The following DLC1 variants were observed in gnomAD, a reference collection of about 807,000 sequenced individuals.
DLC1 encodes DLC1 Rho GTPase activating protein.
DLC1 carries 54 observed loss-of-function variants against 140.3 expected under a neutral mutation model. That is an observed-to-expected ratio of 0.38 (90% CI 0.31 to 0.48). DLC1 has a LOEUF of 0.48. DLC1 is among the 20% of genes least tolerant of loss of function. The probability of loss-of-function intolerance (pLI) is 0.96; values close to 1 mark genes in which losing one functional copy is unlikely to be tolerated. For missense variants in DLC1, 2,536 were observed against 1,907.0 expected (o/e 1.33, Z -6.14); for synonymous variants, 986 against 728.1 (o/e 1.35, Z -5.70).
chr8:13,391,035 C>G (rs1043674885), intron 4 of DLC1, among the ~76,000 whole-genome samples: 1 of 151,226 alleles, frequency 6.6e-6, no homozygotes, highest in African/African-American at 2.4e-5. Context: ...TCAAGTTACT[C>G]TTATTATTGG....
intron 4 of DLC1, among the ~76,000 whole-genome samples, chr8:13,368,631 G>A (rs1270203962): frequency 6.6e-6 from 1 of 151,836 alleles, no homozygotes; most frequent in Non-Finnish European, 1.5e-5. Flanking sequence ...AAGTTGACAT[G>A]CATCATTCCT....
chr8:13,457,839 A>G (rs1371567121), intron 2 of DLC1, among the ~76,000 whole-genome samples: 2 of 152,076 alleles, frequency 1.3e-5, no homozygotes, highest in African/African-American at 2.4e-5. Context: ...GAAGGAAGAA[A>G]AACATGAATT....
At chr8:13,570,105 T>C (rs564347177) in intron 1 of DLC1, among the ~76,000 whole-genome samples, 1 of 152,340 alleles carries the variant, frequency 6.6e-6, no homozygotes, top group East Asian at 1.9e-4. Flanking sequence ...CTAAGTTGTT[T>C]ATCTCTGATA....
At chr8:13,202,472 G>A (rs372868731) in intron 5 of DLC1, among the ~76,000 whole-genome samples, 1 of 152,172 alleles carries the variant, frequency 6.6e-6, no homozygotes, top group East Asian at 1.9e-4. Flanking sequence ...AATGAACTGG[G>A]TCTTTATTCT....
intron 2 of DLC1, among the ~76,000 whole-genome samples, chr8:13,472,774 G>C (rs1393657938): frequency 6.6e-6 from 1 of 152,188 alleles, no homozygotes. Context: ...TAATTAAACT[G>C]TGTTATAACC....
chr8:13,298,623 G>A (rs535867348), intron 5 of DLC1, among the ~76,000 whole-genome samples: 3 of 152,276 alleles, frequency 2.0e-5, no homozygotes, highest in South Asian at 2.1e-4. Context: ...CAGAAAAGAC[G>A]TAGCTTTTTA....
chr8:13,381,060 C>A (rs556403656), intron 4 of DLC1, among the ~76,000 whole-genome samples: 5 of 152,122 alleles, frequency 3.3e-5, no homozygotes, highest in Non-Finnish European at 7.4e-5. Context: ...ACATGAGTCC[C>A]TGTAGTGTGG....
At position 13,092,719 on chromosome 8, in the gene DLC1, G is replaced by T; in HGVS notation, c.3633C>A (p.Val1211=). 6.2e-7 allele frequency: 1 copy of T among 1,614,152 alleles called. No individual in the cohort carries two copies. Among genetic ancestry groups the T allele is most frequent in the Non-Finnish European group, 8.5e-7 (1 of 1,180,018 alleles). ...LQTLLYFLSD[V]TAAVKENQMT... is the part of the protein sequence containing the mutation. Reference sequence around the variant, plus strand: ...TCTGGTTTTCTTTTACGGCTGCTGTGACATCGCTCAGGAAATAAAGCAGGG... The same window carrying T: ...TCTGGTTTTCTTTTACGGCTGCTGTTACATCGCTCAGGAAATAAAGCAGGG... The change falls in exon 13 of 18, where the codon GTC becomes GTA. Residue 1211 remains valine, a synonymous_variant. Coordinates refer to ENST00000276297, the MANE Select transcript of DLC1 (RefSeq NM_182643.3).
intron 5 of DLC1, among the ~76,000 whole-genome samples, chr8:13,166,522 G>A (rs963782049): frequency 6.6e-6 from 1 of 152,060 alleles, no homozygotes; most frequent in African/African-American, 2.4e-5. Flanking sequence ...TGCATTTTTA[G>A]TAGAGATGGG....
intron 5 of DLC1, among the ~76,000 whole-genome samples, chr8:13,186,128 G>C (rs951313873): frequency 6.6e-6 from 1 of 152,088 alleles, no homozygotes; most frequent in Non-Finnish European, 1.5e-5. Context: ...TATGTGTCTT[G>C]GGGTTGGTCT....
chr8:13,095,563 C>T (rs1818439892), intron 10 of DLC1: 1 of 278,292 alleles, frequency 3.6e-6, no homozygotes, highest in East Asian at 6.7e-5. Flanking sequence ...TCCGTTTCCT[C>T]AGTTAGGAGC....
chr8:13,173,368 CTTTTTTTTT>C (rs35778236), intron 5 of DLC1, among the ~76,000 whole-genome samples: 78 of 103,530 alleles, frequency 7.5e-4, no homozygotes, highest in African/African-American at 2.9e-3. Flanking sequence ...GTTCTGCCCT[CTTTTTTTTT>C]TTTTTTTTTT....
At chr8:13,433,694 T>C (rs947744611) in intron 2 of DLC1, among the ~76,000 whole-genome samples, 1 of 152,222 alleles carries the variant, frequency 6.6e-6, no homozygotes, top group Non-Finnish European at 1.5e-5. Context: ...GTTTTTGTCC[T>C]ATAAATTTTG....
intron 5 of DLC1, among the ~76,000 whole-genome samples, chr8:13,193,709 G>T (rs1051329984): frequency 6.6e-6 from 1 of 152,184 alleles, no homozygotes; most frequent in Non-Finnish European, 1.5e-5. Flanking sequence ...AAGGGTGAAA[G>T]GATGATTCAA....
At chr8:13,282,499 T>TA (rs1048070346) in intron 5 of DLC1, among the ~76,000 whole-genome samples, 2 of 152,168 alleles carry the variant, frequency 1.3e-5, no homozygotes, top group African/African-American at 4.8e-5. Flanking sequence ...AAAAATAATG[T>TA]AAAAAATCTA....
rs1800040870 is a variant in DLC1, at chr8:13,468,338, A to AC, written c.1023+30710_1023+30711insG. On this transcript the variant is annotated intron_variant, in intron 2 of 17. Transcript: ENST00000276297. ...TTTTCTCTCTCTTTCCCTTCCCCCC[A>AC]TTCCCCTCCCCTCCCCTCCCCTCCC... Among the ~76,000 whole-genome samples the AC allele has an allele frequency of 1.3e-4, 4 of 30,026 alleles. 1 individual carries two copies. The highest frequency in any genetic ancestry group is 2.7e-4 in the Non-Finnish European group (4 of 15,092). The allele number at this position is 30,026 out of a possible 152,430, so 19.7% of individuals were successfully genotyped here. A position where few individuals can be genotyped will look rare whatever the true frequency, so the allele number is the denominator to read the frequency against.
At chr8:13,193,586 A>T (rs1826882747) in intron 5 of DLC1, among the ~76,000 whole-genome samples, 1 of 152,122 alleles carries the variant, frequency 6.6e-6, no homozygotes, top group Admixed American at 6.6e-5. Context: ...TGTTGTGGCA[A>T]CCCAATTCTG....
At chr8:13,342,300 G>A (rs746504880) in intron 4 of DLC1, 1 of 152,264 alleles carries the variant, frequency 6.6e-6, no homozygotes, top group South Asian at 2.1e-4. Context: ...TTTGGAGAAA[G>A]CTCTGAAAAA....
chr8:13,338,306 C>T lies in DLC1; in HGVS notation c.1315-33004G>A, dbSNP rs374046055. Among the ~76,000 whole-genome samples the T allele has an allele frequency of 1.2e-4, 18 of 151,870 alleles. No homozygotes were observed. The East Asian group carries it at 1.4e-3, about 11-fold the overall frequency. On this transcript the variant is annotated intron_variant, in intron 4 of 17. Coordinates refer to ENST00000276297, the MANE Select transcript of DLC1 (RefSeq NM_182643.3). ...AAATTAGAGTCACAAAGCCATGGTT[C>T]GAAAAAAATACTATTTTAGTTTAAC... is the stretch of plus-strand genomic sequence containing the variant.
Sources: gnomAD v4.1 joint callset for allele counts (sites outside exome capture counted in the v4.1 genomes callset) on GRCh38, gnomAD v4.1.1 for gene constraint, MANE v1.5 for transcripts, NCBI Gene and HGNC (gene_info 2026-07-23, HGNC 2026-07-21) for gene names.